Variants in TTC7B observed in about 807,000 individuals in gnomAD.
TTC7B encodes tetratricopeptide repeat protein 7B.
Under a neutral mutation model 106.8 loss-of-function variants are expected in TTC7B, and 28 were observed. The ratio of observed to expected loss-of-function variants is 0.26; its 90% confidence interval spans 0.19 to 0.36. The LOEUF (loss-of-function observed/expected upper bound fraction) is 0.36, where lower values mean the gene tolerates loss of function less well. TTC7B is among the 10% of genes least tolerant of loss of function. The probability of loss-of-function intolerance (pLI) is 1.00; values close to 1 mark genes in which losing one functional copy is unlikely to be tolerated. For synonymous variants in TTC7B, 405 were observed against 430.6 expected (o/e 0.94, Z 0.74); for missense variants, 862 against 1,076.4 (o/e 0.80, Z 2.79).
chr14:90,553,181 G>A (rs1416232900), intron 19 of TTC7B, among the ~76,000 whole-genome samples: 2 of 152,216 alleles, frequency 1.3e-5, no homozygotes, highest in Non-Finnish European at 2.9e-5. Context: ...GCCAGAGGCA[G>A]CCCCAGGTGC....
intron 19 of TTC7B, among the ~76,000 whole-genome samples, chr14:90,559,510 T>C (rs1187351809): frequency 6.6e-6 from 1 of 152,096 alleles, no homozygotes. Flanking sequence ...GGCTCTCAGA[T>C]TGGGACACTA....
chr14:90,687,609 T>C (rs1887297352), intron 7 of TTC7B, among the ~76,000 whole-genome samples: 1 of 152,210 alleles, frequency 6.6e-6, no homozygotes, highest in South Asian at 2.1e-4. Context: ...TCTATTTTTA[T>C]GATATAAATA....
intron 5 of TTC7B, among the ~76,000 whole-genome samples, chr14:90,716,626 A>G (rs1382853825): frequency 6.6e-6 from 1 of 152,190 alleles, no homozygotes; most frequent in Non-Finnish European, 1.5e-5. Context: ...TGTTTAATTT[A>G]CTAGCTCAAA....
chr14:90,649,013 G>A (rs966173285), intron 13 of TTC7B: 17 of 152,150 alleles, frequency 1.1e-4, no homozygotes, highest in Admixed American at 1.3e-4. Context: ...TTGAGTTGAG[G>A]GTGTACATAA....
At chr14:90,748,295 A>G (rs1271605219) in intron 3 of TTC7B, among the ~76,000 whole-genome samples, 4 of 151,512 alleles carry the variant, frequency 2.6e-5, no homozygotes, top group African/African-American at 9.7e-5. Flanking sequence ...TTTCCATATC[A>G]GTGATTGCTT....
At chr14:90,650,628 T>G (rs1032659092) in intron 13 of TTC7B, among the ~76,000 whole-genome samples, 3 of 152,232 alleles carry the variant, frequency 2.0e-5, no homozygotes, top group Admixed American at 2.0e-4. Context: ...CCCTGCCTCC[T>G]GGAGCACCAG....
intron 18 of TTC7B, among the ~76,000 whole-genome samples, chr14:90,588,810 TATC>T (rs371958921): frequency 6.7e-6 from 1 of 148,974 alleles, no homozygotes; most frequent in Non-Finnish European, 1.5e-5. Flanking sequence ...GCTTTCCAAA[TATC>T]ATGGGAGGCA....
chr14:90,652,962 C>G lies in TTC7B; in HGVS notation c.1460-64G>C. On this transcript the variant is annotated intron_variant, in intron 12 of 19. Transcript: ENST00000328459. The stretch of plus-strand genomic sequence containing the variant: ...CAGGGAATTTTGACAAATACAAAAC[C>G]CATCACAAAACCTGTACATTCAACT... The G allele has an allele frequency of 1.9e-6, 3 of 1,547,222 alleles. No individual in the cohort carries two copies. In the South Asian group the frequency reaches 3.3e-5, roughly 17 times the overall value.
intron 5 of TTC7B, among the ~76,000 whole-genome samples, chr14:90,706,162 T>TTA (rs1491370401): frequency 5.2e-4 from 4 of 7,762 alleles, no homozygotes; most frequent in Admixed American, 4.5e-3. Flanking sequence ...GCTGGAATAA[T>TTA]TTTTTTTTTT....
chr14:90,551,874 C>T (rs1483956524), intron 19 of TTC7B, among the ~76,000 whole-genome samples: 1 of 152,242 alleles, frequency 6.6e-6, no homozygotes, highest in Non-Finnish European at 1.5e-5. Flanking sequence ...CGCTTTCCAA[C>T]AATGCCTTGA....
intron 8 of TTC7B, among the ~76,000 whole-genome samples, chr14:90,678,579 G>T (rs1291336386): frequency 6.6e-6 from 1 of 152,122 alleles, no homozygotes; most frequent in Non-Finnish European, 1.5e-5. Flanking sequence ...AATCATTTTG[G>T]TTAGAAACCT....
rs748077866 is a variant in TTC7B at position 90,652,880 on chromosome 14, T to C, written c.1478A>G (p.Gln493Arg). 2.0e-5 allele frequency: 32 copies of C among 1,614,132 alleles called. No homozygotes were observed. The highest frequency in any genetic ancestry group is 2.5e-6 in the Non-Finnish European group (3 of 1,180,044). ...AAGCGCCTTTCTCTGTAGGACCTCC[T>C]GCATCCCTCGCAAAGAAGCTAAGAA... Reference protein sequence around the residue: ...QATDASLRGMQEVLQRKALLA... With the variant: ...QATDASLRGMREVLQRKALLA... Residue 493 changes from glutamine (Q) to arginine (R), a missense_variant, in exon 13 of 20, where the codon CAG (glutamine) becomes CGG (arginine). Transcript: ENST00000328459.
chr14:90,550,186 G>A (rs1294579), intron 19 of TTC7B, among the ~76,000 whole-genome samples: 152,214 of 152,238 alleles, frequency 1, 76,095 homozygotes, highest in Middle Eastern at 1. Flanking sequence ...CCATTCCACA[G>A]GTTGCAACTG....
chr14:90,730,934 T>C (rs1302487127), intron 4 of TTC7B, among the ~76,000 whole-genome samples: 1 of 152,198 alleles, frequency 6.6e-6, no homozygotes, highest in Non-Finnish European at 1.5e-5. Context: ...TATACTGAAG[T>C]GTAAACATGT....
intron 8 of TTC7B, among the ~76,000 whole-genome samples, 162 bp from the exon 9 acceptor site, chr14:90,676,822 C>T (rs1402852979): frequency 6.6e-6 from 1 of 152,118 alleles, no homozygotes; most frequent in Non-Finnish European, 1.5e-5. Context: ...TTCAAAATCC[C>T]CTGGGCACCG....
intron 14 of TTC7B, 78 bp from the exon 15 acceptor site, chr14:90,644,286 A>C (rs1885338565): frequency 3.5e-6 from 4 of 1,142,368 alleles, no homozygotes; most frequent in Non-Finnish European, 4.8e-6. Context: ...CACACGCGCG[A>C]AAGAAGCCAT....
intron 13 of TTC7B, 94 bp downstream of exon 13, chr14:90,652,747 T>C (rs1398920559): frequency 2.1e-6 from 3 of 1,454,298 alleles, no homozygotes; most frequent in Non-Finnish European, 2.9e-6. Context: ...TAAAACACTG[T>C]TTACATAATC....
chr14:90,799,608 G>A (rs1354945653), intron 1 of TTC7B, among the ~76,000 whole-genome samples: 2 of 152,096 alleles, frequency 1.3e-5, no homozygotes, highest in East Asian at 1.9e-4. Context: ...TCCAGGAGAG[G>A]GAGCAGCTCC....
At chr14:90,623,728 CA>C in intron 15 of TTC7B, among the ~76,000 whole-genome samples, 1 of 152,284 alleles carries the variant, frequency 6.6e-6, no homozygotes, top group South Asian at 2.1e-4. Flanking sequence ...CTTTAAAGAA[CA>C]ATCACATTTG....
Sources: gnomAD v4.1 joint callset for allele counts (sites outside exome capture counted in the v4.1 genomes callset) on GRCh38, gnomAD v4.1.1 for gene constraint, MANE v1.5 for transcripts, NCBI Gene and HGNC (gene_info 2026-07-23, HGNC 2026-07-21) for gene names.